Variants in PAQR3 observed in about 807,000 individuals in gnomAD.
PAQR3 encodes Raf kinase trapping to Golgi.
Under a neutral mutation model 41.7 loss-of-function variants are expected in PAQR3, and 39 were observed. The observed-to-expected ratio is 0.93, with a 90% CI of 0.72 to 1.22. The LOEUF is 1.22. Among genes scored for constraint, PAQR3 ranks in the 50% most tolerant of loss-of-function variants. The pLI is 0.00. For synonymous variants in PAQR3, 140 were observed against 140.6 expected (o/e 1.00, Z 0.03); for missense variants, 366 against 385.6 (o/e 0.95, Z 0.42).
Position 78,939,344 on chromosome 4 carries a change from C to T in PAQR3, c.-120G>A. 7.0e-6 allele frequency: 6 copies of T among 862,500 alleles called. No homozygotes were observed. Among genetic ancestry groups the T allele is most frequent in the Non-Finnish European group, 9.6e-6 (6 of 624,772 alleles). 53.4% of individuals were successfully genotyped at this position (862,500 alleles called of 1,614,324 possible). On this transcript the variant is annotated 5_prime_UTR_variant, in exon 1 of 6. Transcript: ENST00000512733. ...CCCGCGGACGCTGCGCGAGGTCCTA[C>T]CGCGCTGCCGCTGCTGCCCAGGGCC...
downstream of PAQR3, among the ~76,000 whole-genome samples, chr4:78,909,271 C>T (rs1734450085): frequency 6.6e-6 from 1 of 151,848 alleles, no homozygotes; most frequent in Non-Finnish European, 1.5e-5. Flanking sequence ...CTCCTGACCT[C>T]GTGATCCACC....
chr4:78,888,074 A>G (rs1307532884), exon 12 of PAQR3: 3 of 152,240 alleles, frequency 2.0e-5, no homozygotes, highest in African/African-American at 7.2e-5. Context: ...TGTAAAGCCA[A>G]AAGAAGAATT....
rs753756237 is a variant in PAQR3 at position 78,930,322 on chromosome 4, A to G, written c.352T>C (p.Cys118Arg). 8 of 1,592,616 alleles carry G rather than the reference A, an allele frequency of 5.0e-6. No individual in the cohort carries two copies. In the African/African-American group the frequency reaches 1.1e-4, roughly 22 times the overall value. Residue 118 changes from cysteine (C) to arginine (R), a missense_variant, in exon 3 of 6, where the codon TGT becomes CGT. Coordinates refer to ENST00000512733, the MANE Select transcript of PAQR3 (RefSeq NM_001040202.2). ...TGATAGCCCACAGAGCAAAGCATAC[A>G]GACCTGTGAAAAATAAAAACAAATT... ...CSICLFCFQV[C>R]MLCSVGYHLF...
Position 78,939,180 on chromosome 4 carries a change from G to A in PAQR3, c.45C>T (p.Gly15=), listed in dbSNP as rs1411162345. Residue 15 remains glycine (G), a synonymous_variant, in exon 1 of 6, where the codon GGC becomes GGT. Transcript: ENST00000512733. ...CCAGGACCGGCCAGTACTGGTAGCT[G>A]CCCAGCTCGATGTAATGCGCGCTCT... ...LLKSAHYIEL[G]SYQYWPVLVP... is the part of the protein sequence containing the mutation. 1.2e-6 allele frequency: 2 copies of A among 1,610,568 alleles called. No homozygotes were observed. The highest frequency in any genetic ancestry group is 2.3e-5 in the East Asian group (1 of 44,334).
rs762687521 is a variant in PAQR3, at chr4:78,926,697, T to C, written c.526A>G (p.Ile176Val). The C allele has an allele frequency of 6.2e-7, 1 of 1,613,980 alleles. No homozygotes were observed. The highest frequency in any genetic ancestry group is 1.7e-5 in the Admixed American group (1 of 59,998). Reference sequence around the variant, plus strand: ...GCCAGGATCATAGCAAGCACTGTGATCAAGTACACCTGACGCCAGTACTAG... The same window carrying C: ...GCCAGGATCATAGCAAGCACTGTGACCAAGTACACCTGACGCCAGTACTAG... ...CNNYWRQVYL[I>V]TVLAMILAVF... Residue 176 changes from isoleucine to valine, a missense_variant, in exon 4 of 6, where the codon ATC becomes GTC. By Grantham distance (29) the Ile-to-Val change is conservative. Coordinates refer to ENST00000512733, the MANE Select transcript of PAQR3 (RefSeq NM_001040202.2).
At chr4:78,906,248 A>G (rs947519135) in intron 10 of PAQR3, 6 of 152,138 alleles carry the variant, frequency 3.9e-5, no homozygotes, top group Non-Finnish European at 7.4e-5. Context: ...AGTTTATAAC[A>G]GCAGTAAAAG....
At position 78,919,986 on chromosome 4, in the gene PAQR3, G is replaced by A; in HGVS notation, c.*553C>T. 1.4e-5 allele frequency: 14 copies of A among 985,096 alleles called. No homozygotes were observed. The highest frequency in any genetic ancestry group is 1.7e-5 in the Non-Finnish European group (14 of 829,396). The allele number at this position is 985,096 out of a possible 1,614,324, so 61.0% of individuals were successfully genotyped here. A position where few individuals can be genotyped will look rare whatever the true frequency, so the allele number is the denominator to read the frequency against. On this transcript the variant is annotated 3_prime_UTR_variant, in exon 6 of 6. Transcript: ENST00000512733. ...AAAATATCTAATGTTCTTAGGGAGA[G>A]AAGAACCTATAGCTAAAGGATATAA...
chr4:78,939,338 G>C lies in PAQR3; in HGVS notation c.-114C>G. Reference sequence around the variant, plus strand: ...CCGGAGCCCGCGGACGCTGCGCGAGGTCCTACCGCGCTGCCGCTGCTGCCC... The same window carrying C: ...CCGGAGCCCGCGGACGCTGCGCGAGCTCCTACCGCGCTGCCGCTGCTGCCC... On this transcript the variant is annotated 5_prime_UTR_variant, in exon 1 of 6. Coordinates refer to ENST00000512733, the MANE Select transcript of PAQR3 (RefSeq NM_001040202.2). 3 of 946,388 alleles carry C rather than the reference G, an allele frequency of 3.2e-6. No individual in the cohort carries two copies. The highest frequency in any genetic ancestry group is 4.3e-6 in the Non-Finnish European group (3 of 695,622). 58.6% of individuals were successfully genotyped at this position (946,388 alleles called of 1,614,324 possible). A position where few individuals can be genotyped will look rare whatever the true frequency, so the allele number is the denominator to read the frequency against.
intron 2 of PAQR3, among the ~76,000 whole-genome samples, chr4:78,934,310 G>A (rs1266299594): frequency 6.6e-6 from 1 of 152,154 alleles, no homozygotes; most frequent in Non-Finnish European, 1.5e-5. Flanking sequence ...TGATGAAAGC[G>A]ACATTTGTGC....
intron 5 of PAQR3, chr4:78,923,505 A>G (rs1735875656): frequency 3.6e-6 from 1 of 278,392 alleles, no homozygotes; most frequent in African/African-American, 2.3e-5. Flanking sequence ...TATATAAATT[A>G]CTTTTAAAGA....
At chr4:78,935,374 A>C in intron 1 of PAQR3, 91 bp from the exon 2 acceptor site, 1 of 1,097,434 alleles carries the variant, frequency 9.1e-7, no homozygotes, top group Non-Finnish European at 1.3e-6. Context: ...GAGTTACCTA[A>C]TACTTGCTCC....
Position 78,920,472 on chromosome 4 carries a change from A to G in PAQR3, c.*67T>C. On this transcript the variant is annotated 3_prime_UTR_variant, in exon 6 of 6. Coordinates refer to ENST00000512733, the MANE Select transcript of PAQR3 (RefSeq NM_001040202.2). Reference sequence around the variant, plus strand: ...GAAAACTAATGGGAATCTTAGAAATAGTGGGGTATACAATTCCCCATTATA... The same window carrying G: ...GAAAACTAATGGGAATCTTAGAAATGGTGGGGTATACAATTCCCCATTATA... 6.8e-7 allele frequency: 1 copy of G among 1,470,784 alleles called. No homozygotes were observed. Among genetic ancestry groups the G allele is most frequent in the Admixed American group, 2.3e-5 (1 of 43,784 alleles). 91.1% of individuals were successfully genotyped at this position (1,470,784 alleles called of 1,614,324 possible). A position where few individuals can be genotyped will look rare whatever the true frequency, so the allele number is the denominator to read the frequency against.
chr4:78,897,667 A>G (rs986178339), intron 11 of PAQR3, among the ~76,000 whole-genome samples: 1 of 152,148 alleles, frequency 6.6e-6, no homozygotes, highest in Non-Finnish European at 1.5e-5. Flanking sequence ...TTATAGCGCT[A>G]AGTATCCTAC....
chr4:78,896,392 T>G (rs1345428910), intron 11 of PAQR3, among the ~76,000 whole-genome samples: 3 of 152,214 alleles, frequency 2.0e-5, no homozygotes, highest in African/African-American at 7.2e-5. Flanking sequence ...TAAAATTATC[T>G]GGGTTCAGTT....
At chr4:78,909,741 T>C (rs1427022167), downstream of PAQR3, among the ~76,000 whole-genome samples, 1 of 152,202 alleles carries the variant, frequency 6.6e-6, no homozygotes, top group African/African-American at 2.4e-5. Flanking sequence ...TTCCCTGCTG[T>C]CCTTTATTTC....
intron 1 of PAQR3, among the ~76,000 whole-genome samples, chr4:78,938,604 A>T (rs183559096): frequency 6.6e-6 from 1 of 152,258 alleles, no homozygotes; most frequent in Admixed American, 6.5e-5. Flanking sequence ...CCAAATGAAT[A>T]AATCTCGGGT....
intron 11 of PAQR3, among the ~76,000 whole-genome samples, chr4:78,897,196 A>ATT (rs139821509): frequency 6.6e-6 from 1 of 151,708 alleles, no homozygotes; most frequent in African/African-American, 2.4e-5. Context: ...TGTTTTTTTG[A>ATT]TTTTTTTAAG....
intron 5 of PAQR3, chr4:78,923,540 A>G (rs185833189): frequency 1.4e-4 from 48 of 332,234 alleles, no homozygotes; most frequent in African/African-American, 9.8e-4. Flanking sequence ...AGAGAAGTAA[A>G]TGGTAGTTGA....
rs1735352666 is a variant in PAQR3, at chr4:78,918,759, T to C, written c.*1780A>G. ...GGCTCCACACCTAAAATAATGATTT[T>C]CCCCTCATTTTTAACTTAAGTGTAA... On this transcript the variant is annotated 3_prime_UTR_variant, in exon 6 of 6. Transcript: ENST00000512733. 1 of 982,574 alleles carries C rather than the reference T, an allele frequency of 1.0e-6. No homozygotes were observed. The highest frequency in any genetic ancestry group is 4.7e-5 in the South Asian group (1 of 21,236). The allele number at this position is 982,574 out of a possible 1,614,324, so 60.9% of individuals were successfully genotyped here.
Sources: allele counts gnomAD v4.1 joint callset (sites outside exome capture counted in the v4.1 genomes callset), GRCh38; gene constraint gnomAD v4.1.1; transcripts MANE v1.5; gene names NCBI Gene and HGNC (gene_info 2026-07-23, HGNC 2026-07-21).